PCDH9: variants seen among roughly 807,000 people sequenced by gnomAD.
The protein encoded by PCDH9 is protocadherin 9, also known as protocadherin-9.
Under a neutral mutation model 70.6 loss-of-function variants are expected in PCDH9, and 24 were observed. That is an observed-to-expected ratio of 0.34 (90% CI 0.25 to 0.48). The LOEUF (loss-of-function observed/expected upper bound fraction) is 0.48, where lower values mean the gene tolerates loss of function less well. Among genes scored for constraint, PCDH9 ranks in the 20% least tolerant of loss-of-function variants. PCDH9 has a pLI of 0.99. For synonymous variants in PCDH9, 562 were observed against 558.5 expected (o/e 1.01, Z -0.09); for missense variants, 1,281 against 1,503.6 (o/e 0.85, Z 2.45).
chr13:66,430,654 C>A (rs921465780), intron 4 of PCDH9, among the ~76,000 whole-genome samples: 3 of 152,040 alleles, frequency 2.0e-5, no homozygotes, highest in Non-Finnish European at 4.4e-5. Context: ...TCTTAACCTG[C>A]TATTCACTCT....
intron 4 of PCDH9, among the ~76,000 whole-genome samples, chr13:66,579,811 A>G (rs538807725): frequency 9.2e-5 from 14 of 152,182 alleles, no homozygotes; most frequent in African/African-American, 3.4e-4. Context: ...ATAAAGGTAG[A>G]ATTCATCTCA....
intron 2 of PCDH9, among the ~76,000 whole-genome samples, chr13:67,116,379 A>C (rs2086774820): frequency 6.6e-6 from 1 of 152,204 alleles, no homozygotes; most frequent in African/African-American, 2.4e-5. Context: ...ACAAAATTTG[A>C]TATAACTTCT....
At chr13:66,438,641 T>C (rs998028260) in intron 4 of PCDH9, among the ~76,000 whole-genome samples, 1 of 152,200 alleles carries the variant, frequency 6.6e-6, no homozygotes, top group African/African-American at 2.4e-5. Context: ...ACAAGTGTTA[T>C]TCATCACTGG....
chr13:66,833,142 A>T (rs2080957483), intron 3 of PCDH9, among the ~76,000 whole-genome samples: 1 of 152,180 alleles, frequency 6.6e-6, no homozygotes, highest in Non-Finnish European at 1.5e-5. Flanking sequence ...CGTTAATGCC[A>T]GGTACATGTA....
intron 3 of PCDH9, among the ~76,000 whole-genome samples, chr13:66,865,276 T>A (rs1295361130): frequency 6.6e-6 from 1 of 152,210 alleles, no homozygotes; most frequent in Non-Finnish European, 1.5e-5. Context: ...ACACTTCAGG[T>A]ATGTGGACAC....
chr13:66,325,695 A>G (rs937199413), intron 4 of PCDH9, among the ~76,000 whole-genome samples: 7 of 152,044 alleles, frequency 4.6e-5, no homozygotes, highest in Admixed American at 6.5e-5. Context: ...TTGCTGGTAC[A>G]TATATTGAAT....
intron 4 of PCDH9, among the ~76,000 whole-genome samples, chr13:66,336,182 T>C (rs1956034291): frequency 6.6e-6 from 1 of 152,052 alleles, no homozygotes; most frequent in African/African-American, 2.4e-5. Flanking sequence ...GTTGACTTTG[T>C]CAATGTAAGT....
chr13:66,524,121 G>A (rs1025930598), intron 4 of PCDH9, among the ~76,000 whole-genome samples: 2 of 151,036 alleles, frequency 1.3e-5, no homozygotes, highest in African/African-American at 4.8e-5. Context: ...TTTTTGCCAC[G>A]ATTAGCTTTC....
At chr13:66,399,371 A>G (rs1297368857) in intron 4 of PCDH9, among the ~76,000 whole-genome samples, 2 of 152,122 alleles carry the variant, frequency 1.3e-5, no homozygotes, top group African/African-American at 2.4e-5. Context: ...GCATCTTTCT[A>G]TCTTTTGCCA....
chr13:66,340,278 G>A (rs1956104057), intron 4 of PCDH9, among the ~76,000 whole-genome samples: 1 of 152,190 alleles, frequency 6.6e-6, no homozygotes, highest in Admixed American at 6.5e-5. Flanking sequence ...CAACTAGTCT[G>A]AGGCTAGCAA....
intron 4 of PCDH9, among the ~76,000 whole-genome samples, chr13:66,459,310 G>C (rs1489613189): frequency 6.6e-6 from 1 of 151,858 alleles, no homozygotes; most frequent in African/African-American, 2.4e-5. Flanking sequence ...AACTATTCCT[G>C]TCATTTAATG....
intron 2 of PCDH9, among the ~76,000 whole-genome samples, chr13:67,190,536 T>C (rs1247399708): frequency 1.3e-5 from 2 of 152,032 alleles, no homozygotes; most frequent in Admixed American, 6.6e-5. Context: ...GAAGATAAAC[T>C]AGCAAATTGA....
chr13:66,803,957 T>C (rs1407069184), intron 3 of PCDH9, among the ~76,000 whole-genome samples: 1 of 152,156 alleles, frequency 6.6e-6, no homozygotes, highest in African/African-American at 2.4e-5. Flanking sequence ...TGTCTCTGGC[T>C]CACTGGGTGC....
chr13:67,024,214 G>T (rs260172), intron 2 of PCDH9, among the ~76,000 whole-genome samples: 120,754 of 152,062 alleles, frequency 0.79, 48,249 homozygotes, highest in East Asian at 0.98. Context: ...AGATCAAGAG[G>T]TGTAGAAATT....
At chr13:66,672,498 GC>G (rs1461383533) in intron 3 of PCDH9, among the ~76,000 whole-genome samples, 1 of 152,134 alleles carries the variant, frequency 6.6e-6, no homozygotes, top group African/African-American at 2.4e-5. Flanking sequence ...AGGGGTGGGA[GC>G]CCCCATACAG....
chr13:67,131,482 C>T (rs2138331181), intron 2 of PCDH9, among the ~76,000 whole-genome samples: 1 of 152,240 alleles, frequency 6.6e-6, no homozygotes. Context: ...TAGAAAATCT[C>T]CTAATTTTTA....
chr13:66,902,708 A>C (rs1365920606), intron 3 of PCDH9, among the ~76,000 whole-genome samples: 2 of 151,474 alleles, frequency 1.3e-5, no homozygotes, highest in African/African-American at 2.4e-5. Flanking sequence ...AAAAATGGGA[A>C]TCTTCTTCCA....
At chr13:66,452,935 TATCCATCCATCCATCC>T (rs1202353015) in intron 4 of PCDH9, among the ~76,000 whole-genome samples, 4 of 152,044 alleles carry the variant, frequency 2.6e-5, no homozygotes, top group Admixed American at 1.3e-4. Context: ...CTCATCCATC[TATCCATCCATCCATCC>T]ATCCACTCAT....
chr13:66,601,486 C>A (rs1347055753), intron 4 of PCDH9, among the ~76,000 whole-genome samples: 1 of 145,982 alleles, frequency 6.9e-6, no homozygotes, highest in Non-Finnish European at 1.5e-5. Context: ...ATGAAATTGA[C>A]TTTATTTTGA....
Sources: allele counts gnomAD v4.1 joint callset (sites outside exome capture counted in the v4.1 genomes callset), GRCh38; gene constraint gnomAD v4.1.1; transcripts MANE v1.5; gene names NCBI Gene and HGNC (gene_info 2026-07-23, HGNC 2026-07-21).